Variants in FARS2 observed in about 807,000 individuals in gnomAD.
FARS2 encodes the protein phenylalanyl-tRNA synthetase 2, mitochondrial.
Under a neutral mutation model 46.4 loss-of-function variants are expected in FARS2, and 40 were observed. The ratio of observed to expected loss-of-function variants is 0.86; its 90% CI spans 0.67 to 1.12. The LOEUF (loss-of-function observed/expected upper bound fraction) is 1.12, where lower values mean the gene tolerates loss of function less well. FARS2 is among the 50% of genes most tolerant of loss of function. The pLI is 0.00. For missense variants in FARS2, 513 were observed against 567.9 expected (o/e 0.90, Z 0.98); for synonymous variants, 234 against 214.9 (o/e 1.09, Z -0.78).
intron 5 of FARS2, among the ~76,000 whole-genome samples, chr6:5,546,128 C>CAA (rs200442092): frequency 3.4e-5 from 5 of 146,602 alleles, no homozygotes; most frequent in African/African-American, 1.3e-4. Context: ...AACTCTGTCT[C>CAA]AAAAAAAAAG....
At position 5,610,138 on chromosome 6, in the gene FARS2, A is replaced by G. The variant is rs189647106; in HGVS notation, c.1066-3031A>G. ...CTCTCATTGGTTGTTTCAAAGCTCA[A>G]CCCTCCAATGAAGAGCTTCCTCAGC... is the stretch of plus-strand genomic sequence containing the variant. On this transcript the variant is annotated intron_variant, in intron 5 of 6. Transcript: ENST00000274680. 116 of 1,100,864 alleles carry G rather than the reference A, an allele frequency of 1.1e-4. 1 individual carries two copies. The African/African-American group carries it at 1.5e-3, about 14-fold the overall frequency. 68.2% of individuals were successfully genotyped at this position (1,100,864 alleles called of 1,614,324 possible). A position where few individuals can be genotyped will look rare whatever the true frequency, so the allele number is the denominator to read the frequency against.
chr6:5,381,370 A>AATACACACACACACACACAC (rs368344271), intron 2 of FARS2, among the ~76,000 whole-genome samples: 2 of 132,900 alleles, frequency 1.5e-5, no homozygotes, highest in Non-Finnish European at 3.1e-5. Flanking sequence ...ACTCCCCAGA[A>AATACACACACACACACACAC]ACACACACAC....
At chr6:5,483,779 G>A (rs1291378558) in intron 4 of FARS2, among the ~76,000 whole-genome samples, 1 of 152,184 alleles carries the variant, frequency 6.6e-6, no homozygotes, top group African/African-American at 2.4e-5. Context: ...AGATGGAGAT[G>A]AAGAAGAGGA....
chr6:5,550,163 G>A (rs1771285481), intron 5 of FARS2, among the ~76,000 whole-genome samples: 1 of 152,166 alleles, frequency 6.6e-6, no homozygotes, highest in Non-Finnish European at 1.5e-5. Flanking sequence ...CTGGTTCCAA[G>A]CTATTTCAAA....
chr6:5,256,491 G>GAAA (rs1161084364), upstream of FARS2, among the ~76,000 whole-genome samples: 1 of 43,856 alleles, frequency 2.3e-5, no homozygotes, highest in Non-Finnish European at 3.6e-5. Flanking sequence ...ATTTCAACTG[G>GAAA]AAAAAAAAAA....
intron 1 of FARS2, among the ~76,000 whole-genome samples, chr6:5,291,752 C>T (rs908892352): frequency 2.7e-5 from 4 of 147,580 alleles, no homozygotes; most frequent in African/African-American, 1.0e-4. Context: ...CAAGACCCAT[C>T]TCTTAAAAAA....
chr6:5,616,816 T>C (rs1775501163), intron 6 of FARS2, among the ~76,000 whole-genome samples: 1 of 152,154 alleles, frequency 6.6e-6, no homozygotes, highest in African/African-American at 2.4e-5. Flanking sequence ...GATATGGCCG[T>C]AGCTTCACCC....
upstream of FARS2, among the ~76,000 whole-genome samples, chr6:5,260,122 C>A (rs1434846491): frequency 6.6e-6 from 1 of 152,168 alleles, no homozygotes; most frequent in East Asian, 1.9e-4. Context: ...TTTTCCGCTA[C>A]GCATTTCCAC....
intron 1 of FARS2, among the ~76,000 whole-genome samples, chr6:5,277,133 A>G (rs1196395845): frequency 6.6e-6 from 1 of 152,162 alleles, no homozygotes; most frequent in Non-Finnish European, 1.5e-5. Flanking sequence ...GAATGAAGGC[A>G]CAGATAGCGA....
chr6:5,725,227 G>T (rs1370096050), intron 6 of FARS2, among the ~76,000 whole-genome samples: 1 of 152,250 alleles, frequency 6.6e-6, no homozygotes, highest in African/African-American at 2.4e-5. Context: ...TTTGGGGATG[G>T]CGTGATGACT....
chr6:5,308,311 A>G (rs773284435), intron 1 of FARS2, among the ~76,000 whole-genome samples: 4 of 152,174 alleles, frequency 2.6e-5, no homozygotes, highest in African/African-American at 7.2e-5. Context: ...TGCTGTGGCA[A>G]ATCACCAAAG....
chr6:5,382,524 A>G (rs1759857370), intron 2 of FARS2, among the ~76,000 whole-genome samples: 1 of 152,198 alleles, frequency 6.6e-6, no homozygotes, highest in South Asian at 2.1e-4. Context: ...TATCATGTCA[A>G]TTTACACACA....
chr6:5,301,986 C>A (rs1768349626), intron 1 of FARS2, among the ~76,000 whole-genome samples: 1 of 152,188 alleles, frequency 6.6e-6, no homozygotes, highest in Non-Finnish European at 1.5e-5. Context: ...TAAGAACTTA[C>A]AAGGAGCTCC....
chr6:5,376,157 T>C (rs1055224292), intron 2 of FARS2, among the ~76,000 whole-genome samples: 1 of 152,172 alleles, frequency 6.6e-6, no homozygotes, highest in Non-Finnish European at 1.5e-5. Flanking sequence ...GACACTGTTC[T>C]CCTTTCTGAA....
intron 6 of FARS2, among the ~76,000 whole-genome samples, chr6:5,730,921 T>C (rs1760579475): frequency 6.6e-6 from 1 of 152,164 alleles, no homozygotes; most frequent in South Asian, 2.1e-4. Context: ...CACAGCAAGG[T>C]TGAGTAACTT....
At chr6:5,566,375 AC>A (rs1478316251) in intron 5 of FARS2, among the ~76,000 whole-genome samples, 1 of 152,044 alleles carries the variant, frequency 6.6e-6, no homozygotes, top group African/African-American at 2.4e-5. Context: ...AATTTCTGAT[AC>A]CCCCAAAACT....
intron 1 of FARS2, among the ~76,000 whole-genome samples, chr6:5,334,632 T>C (rs1771031862): frequency 6.6e-6 from 1 of 152,180 alleles, no homozygotes; most frequent in African/African-American, 2.4e-5. Context: ...AGTTTGCTAA[T>C]GTTTGTTTGA....
chr6:5,563,447 G>C (rs1159086399), intron 5 of FARS2, among the ~76,000 whole-genome samples: 1 of 152,098 alleles, frequency 6.6e-6, no homozygotes, highest in Non-Finnish European at 1.5e-5. Flanking sequence ...TAAGAGCCAG[G>C]GCTTTACAAG....
chr6:5,714,179 A>G (rs1759352049), intron 6 of FARS2, among the ~76,000 whole-genome samples: 1 of 152,156 alleles, frequency 6.6e-6, no homozygotes, highest in African/African-American at 2.4e-5. Context: ...TTTGTTATTG[A>G]CAAGGAGCCA....
Sources: allele counts gnomAD v4.1 joint callset (sites outside exome capture counted in the v4.1 genomes callset), GRCh38; gene constraint gnomAD v4.1.1; transcripts MANE v1.5; gene names NCBI Gene and HGNC (gene_info 2026-07-23, HGNC 2026-07-21).